The following ARMH3 variants were observed in gnomAD, a reference collection of about 807,000 sequenced individuals.
ARMH3 encodes the protein armadillo-like helical domain-containing protein 3.
Under a neutral mutation model 99.1 loss-of-function variants are expected in ARMH3, and 60 were observed. The ratio of observed to expected loss-of-function variants is 0.61; its 90% confidence interval spans 0.49 to 0.75. ARMH3 has a LOEUF of 0.75. ARMH3 is among the 30% of genes least tolerant of loss of function. The pLI, the probability that ARMH3 is intolerant of heterozygous loss-of-function variation, is 0.00. For missense variants in ARMH3, 679 were observed against 843.1 expected (o/e 0.81, Z 2.41); for synonymous variants, 285 against 292.8 (o/e 0.97, Z 0.27).
chr10:102,016,376 G>A (rs748293509), intron 8 of ARMH3, among the ~76,000 whole-genome samples: 1 of 152,070 alleles, frequency 6.6e-6, no homozygotes, highest in African/African-American at 2.4e-5. Context: ...TTCTCCTGGG[G>A]TTGCTAAAAG....
intron 24 of ARMH3, among the ~76,000 whole-genome samples, chr10:101,874,484 A>G (rs1304607728): frequency 6.6e-6 from 1 of 152,190 alleles, no homozygotes; most frequent in East Asian, 1.9e-4. Context: ...CCACCCCTGA[A>G]CAACCCCATA....
rs200931570 is a variant in ARMH3 at position 101,993,614 on chromosome 10, T to C, written c.1210-11A>G. The C allele has an allele frequency of 2.4e-4, 377 of 1,557,298 alleles. No homozygotes were observed. The highest frequency in any genetic ancestry group is 3.1e-4 in the Non-Finnish European group (351 of 1,143,896). On this transcript the variant is annotated splice_polypyrimidine_tract_variant and intron_variant, in intron 16 of 25. Transcript: ENST00000370033. ...ATTGGCATATTGATCCTAATAAAAA[T>C]ATAGAGAAAAAGTAAGAAGCGAGAG...
intron 8 of ARMH3, among the ~76,000 whole-genome samples, chr10:102,022,020 A>G (rs956200806): frequency 2.0e-5 from 3 of 152,210 alleles, no homozygotes; most frequent in African/African-American, 7.2e-5. Flanking sequence ...AATAATTACT[A>G]TTGTGTTATA....
At chr10:101,970,154 C>A (rs1219193424) in intron 20 of ARMH3, among the ~76,000 whole-genome samples, 1 of 152,230 alleles carries the variant, frequency 6.6e-6, no homozygotes, top group Non-Finnish European at 1.5e-5. Context: ...CAACTACACA[C>A]TTCTCTCTGC....
intron 5 of ARMH3, among the ~76,000 whole-genome samples, chr10:102,027,187 G>A (rs1013090918): frequency 6.6e-6 from 1 of 151,362 alleles, no homozygotes; most frequent in Non-Finnish European, 1.5e-5. Context: ...GCTGAGGCAG[G>A]AGAATCGCTT....
intron 23 of ARMH3, among the ~76,000 whole-genome samples, chr10:101,932,915 G>A (rs975051452): frequency 4.6e-5 from 7 of 152,152 alleles, no homozygotes; most frequent in African/African-American, 1.7e-4. Context: ...GGCCAGGAGC[G>A]GTGGCTCACG....
At chr10:101,982,430 T>C (rs978946973) in intron 19 of ARMH3, among the ~76,000 whole-genome samples, 1 of 152,092 alleles carries the variant, frequency 6.6e-6, no homozygotes, top group Non-Finnish European at 1.5e-5. Context: ...AGAAAAATAA[T>C]CTATAAATCA....
At chr10:101,905,687 A>T (rs895622477) in intron 23 of ARMH3, among the ~76,000 whole-genome samples, 3 of 152,226 alleles carry the variant, frequency 2.0e-5, no homozygotes, top group African/African-American at 7.2e-5. Context: ...CTAGAAAGGT[A>T]GGTTGGGATC....
At chr10:101,948,503 T>C (rs529051698) in intron 22 of ARMH3, among the ~76,000 whole-genome samples, 1 of 152,288 alleles carries the variant, frequency 6.6e-6, no homozygotes, top group Admixed American at 6.5e-5. Context: ...GAATACTACC[T>C]GGGTGAAGGA....
intron 8 of ARMH3, among the ~76,000 whole-genome samples, chr10:102,017,581 C>A (rs570470785): frequency 6.6e-6 from 1 of 152,192 alleles, no homozygotes; most frequent in African/African-American, 2.4e-5. Flanking sequence ...CACATATAAC[C>A]CTCACCTCTC....
At chr10:101,878,672 A>G (rs2067329765) in intron 24 of ARMH3, among the ~76,000 whole-genome samples, 1 of 151,732 alleles carries the variant, frequency 6.6e-6, no homozygotes, top group South Asian at 2.1e-4. Flanking sequence ...AAAGGAAAAA[A>G]AAAAGTTGGC....
At chr10:102,053,804 G>A (rs376862465) in intron 1 of ARMH3, among the ~76,000 whole-genome samples, 30 of 151,878 alleles carry the variant, frequency 2.0e-4, no homozygotes, top group African/African-American at 4.1e-4. Flanking sequence ...CACTACAGGC[G>A]CCCGCCACCA....
chr10:101,898,396 G>C (rs777405526), intron 23 of ARMH3, among the ~76,000 whole-genome samples: 2 of 151,870 alleles, frequency 1.3e-5, no homozygotes, highest in Non-Finnish European at 2.9e-5. Context: ...AGAAAATGTG[G>C]ATTCCTCCTC....
intron 23 of ARMH3, 112 bp from the exon 24 acceptor site, chr10:101,889,602 T>C: frequency 2.1e-6 from 2 of 960,438 alleles, no homozygotes; most frequent in Non-Finnish European, 3.4e-6. Context: ...ATGGGACCGA[T>C]TGTGACTGGG....
intron 12 of ARMH3, 85 bp from the exon 13 acceptor site, chr10:102,009,534 A>G: frequency 8.8e-7 from 1 of 1,135,674 alleles, no homozygotes; most frequent in Non-Finnish European, 1.3e-6. Flanking sequence ...ATTGGATTGC[A>G]CCCCAGCGCC....
intron 20 of ARMH3, among the ~76,000 whole-genome samples, chr10:101,962,165 A>G (rs1269351592): frequency 1.3e-5 from 2 of 152,252 alleles, no homozygotes; most frequent in African/African-American, 4.8e-5. Context: ...AGAGAATGGC[A>G]TAGCTTGTCG....
intron 23 of ARMH3, among the ~76,000 whole-genome samples, chr10:101,905,974 G>A (rs1328925017): frequency 6.6e-6 from 1 of 152,036 alleles, no homozygotes; most frequent in Non-Finnish European, 1.5e-5. Context: ...AAATACAAAC[G>A]TGTCTCTAAA....
In ARMH3 at chr10:102,031,985, G is replaced by A. The variant is rs546501827; in HGVS notation, c.306+1041C>T. Among the ~76,000 whole-genome samples, 51 of 152,124 alleles carry A rather than the reference G, an allele frequency of 3.4e-4. No individual in the cohort carries two copies. The Middle Eastern group carries it at 0.01, about 30-fold the overall frequency. ...GATCTCCTGATCTCGTGATCCTCCC[G>A]CCTTGGCCTCCCAAAGTGCTCGGAT... On this transcript the variant is annotated intron_variant, in intron 4 of 25. Coordinates refer to ENST00000370033, the MANE Select transcript of ARMH3 (RefSeq NM_024541.3).
chr10:101,923,555 C>A (rs549489798), intron 23 of ARMH3, among the ~76,000 whole-genome samples: 11 of 152,282 alleles, frequency 7.2e-5, no homozygotes, highest in East Asian at 3.9e-4. Context: ...TGTATTGTAA[C>A]CCCCAAGCTT....
Sources: allele counts gnomAD v4.1 joint callset (sites outside exome capture counted in the v4.1 genomes callset), GRCh38; gene constraint gnomAD v4.1.1; transcripts MANE v1.5; gene names NCBI Gene and HGNC (gene_info 2026-07-23, HGNC 2026-07-21).